The following SEC62 variants were observed in gnomAD, a reference collection of about 807,000 sequenced individuals.
The protein encoded by SEC62 is translocation protein SEC62.
In SEC62, 10 loss-of-function variants were observed where a neutral mutation model predicts 47.5. The observed-to-expected ratio is 0.21, with a 90% CI of 0.13 to 0.36. The LOEUF (loss-of-function observed/expected upper bound fraction) is 0.36, where lower values mean the gene tolerates loss of function less well. SEC62 is among the 10% of genes least tolerant of loss of function. The pLI, the probability that SEC62 is intolerant of heterozygous loss-of-function variation, is 1.00. For missense variants in SEC62, 327 were observed against 464.1 expected (o/e 0.70, Z 2.71); for synonymous variants, 136 against 150.5 (o/e 0.90, Z 0.71).
Position 169,994,076 on chromosome 3 carries a change from G to A in SEC62, c.*1013G>A, listed in dbSNP as rs1041193909. Reference sequence around the variant, plus strand: ...GATTTATTTTAAATCTTTACATTCAGAAATGAGATACTGTATTATCAGACC... The same window carrying A: ...GATTTATTTTAAATCTTTACATTCAAAAATGAGATACTGTATTATCAGACC... On this transcript the variant is annotated 3_prime_UTR_variant, in exon 8 of 8. Coordinates refer to ENST00000337002, the MANE Select transcript of SEC62 (RefSeq NM_003262.4). The A allele has an allele frequency of 6.6e-5, 10 of 152,636 alleles. No homozygotes were observed. In the South Asian group the frequency reaches 2.1e-3, roughly 32 times the overall value. 9.5% of individuals were successfully genotyped at this position (152,636 alleles called of 1,614,324 possible).
intron 6 of SEC62, among the ~76,000 whole-genome samples, chr3:169,986,964 C>T (rs1715123992): frequency 6.6e-6 from 1 of 151,772 alleles, no homozygotes. Context: ...TGGGCACTTG[C>T]CTCGTTGTCC....
rs1018282934 is a variant in SEC62, at chr3:169,992,933, G to A, written c.1070G>A (p.Ser357Asn). ...RREDDRSQHS[S>N]GNGNDFEMIT... Reference sequence around the variant, plus strand: ...GAAGATGATCGATCCCAGCACAGTAGTGGAAATGGAAATGATTTTGAAATG... The same window carrying A: ...GAAGATGATCGATCCCAGCACAGTAATGGAAATGGAAATGATTTTGAAATG... Residue 357 changes from serine to asparagine, a missense_variant, in exon 8 of 8, where the codon AGT becomes AAT. Physicochemically the swap from Ser to Asn is conservative, Grantham distance 46. Around this residue, in one of 3 missense-constraint regions of SEC62, gnomAD observed 102 missense variants for 108.8 expected, o/e 0.94. Coordinates refer to ENST00000337002, the MANE Select transcript of SEC62 (RefSeq NM_003262.4). The surrounding 1 kb of genome is among the most constrained non-coding windows in gnomAD (Gnocchi z 4.0). 1 of 1,614,016 alleles carries A rather than the reference G, an allele frequency of 6.2e-7. No individual in the cohort carries two copies. The highest frequency in any genetic ancestry group is 8.5e-7 in the Non-Finnish European group (1 of 1,179,984).
At position 169,996,425 on chromosome 3, in the gene SEC62, CA is replaced by C. The variant is rs1397409857; in HGVS notation, c.*3363del. 6.6e-6 allele frequency: 1 copy of C among 152,632 alleles called. No individual in the cohort carries two copies. Among genetic ancestry groups the C allele is most frequent in the African/African-American group, 2.4e-5 (1 of 41,454 alleles). The allele number at this position is 152,632 out of a possible 1,614,324, so 9.5% of individuals were successfully genotyped here. ...TACCATGTACCAGAATTTTACTAGG[CA>C]CAACCATGAATAAAAATACAATTCT... On this transcript the variant is annotated 3_prime_UTR_variant, in exon 8 of 8. Coordinates refer to ENST00000337002, the MANE Select transcript of SEC62 (RefSeq NM_003262.4).
At chr3:169,991,946 TATAGTC>T (rs1715257092) in intron 7 of SEC62, among the ~76,000 whole-genome samples, 1 of 152,150 alleles carries the variant, frequency 6.6e-6, no homozygotes, top group Non-Finnish European at 1.5e-5. Context: ...GTACAGAAAA[TATAGTC>T]ATAAATGTAT....
intron 3 of SEC62, among the ~76,000 whole-genome samples, chr3:169,980,247 CAT>C (rs1278607123): frequency 2.6e-5 from 4 of 151,708 alleles, no homozygotes; most frequent in Non-Finnish European, 2.9e-5. Context: ...AATTTTGAAA[CAT>C]AAATAGGTGA....
At chr3:169,987,484 G>T (rs904820645) in intron 6 of SEC62, among the ~76,000 whole-genome samples, 1 of 152,066 alleles carries the variant, frequency 6.6e-6, no homozygotes, top group African/African-American at 2.4e-5. Flanking sequence ...GATATTTTGC[G>T]TACAATATAT....
rs1382747253 is a variant in SEC62, at chr3:169,969,888, AC to A, written c.36+3031del. Among the ~76,000 whole-genome samples the A allele has an allele frequency of 2.0e-5, 3 of 152,298 alleles. No homozygotes were observed. In the South Asian group the frequency reaches 6.2e-4, roughly 32 times the overall value. ...GACATTTAAATGGCTAATTCTTAGA[AC>A]TTTTATAACCCTCCATTAGTTATTT... On this transcript the variant is annotated intron_variant, in intron 1 of 7. Coordinates refer to ENST00000337002, the MANE Select transcript of SEC62 (RefSeq NM_003262.4).
rs781454297 is a variant in SEC62, at chr3:169,982,744, G to A, written c.289G>A (p.Val97Ile). ...GCAGTTTTTTCACCGAGCCCTAAAA[G>A]TAATGAAAATGAAATATGATAAAGA... Reference protein sequence around the residue: ...KKQFFHRALKVMKMKYDKDIK... With the variant: ...KKQFFHRALKIMKMKYDKDIK... Residue 97 changes from valine (V) to isoleucine (I), a missense_variant, in exon 4 of 8, where the codon GTA becomes ATA. Transcript: ENST00000337002. 1.2e-6 allele frequency: 2 copies of A among 1,607,184 alleles called. No homozygotes were observed. Among genetic ancestry groups the A allele is most frequent in the Non-Finnish European group, 1.7e-6 (2 of 1,176,260 alleles).
intron 7 of SEC62, among the ~76,000 whole-genome samples, chr3:169,990,731 A>G (rs1715230878): frequency 6.6e-6 from 1 of 152,180 alleles, no homozygotes; most frequent in African/African-American, 2.4e-5. Context: ...TTTTAAGCAT[A>G]TTTACCTTTT....
At chr3:169,975,529 A>G in intron 1 of SEC62, 79 bp from the exon 2 acceptor site, 1 of 954,244 alleles carries the variant, frequency 1.0e-6, no homozygotes, top group Admixed American at 2.0e-5. Context: ...AGATTCATAA[A>G]ATAGATTTGT....
At chr3:169,969,383 A>T (rs1714636777) in intron 1 of SEC62, 1 of 456,504 alleles carries the variant, frequency 2.2e-6, no homozygotes, top group South Asian at 1.5e-5. Context: ...GAAAACCAGA[A>T]GTGAGCTACA....
In SEC62 at chr3:169,966,881, A is replaced by AG; in HGVS notation, c.36+28dup. The AG allele has an allele frequency of 3.0e-6, 4 of 1,331,456 alleles. No individual in the cohort carries two copies. The Middle Eastern group carries it at 6.2e-4, about 206-fold the overall frequency. 82.5% of individuals were successfully genotyped at this position (1,331,456 alleles called of 1,614,324 possible). A position where few individuals can be genotyped will look rare whatever the true frequency, so the allele number is the denominator to read the frequency against. On this transcript the variant is annotated intron_variant, in intron 1 of 7. Coordinates refer to ENST00000337002, the MANE Select transcript of SEC62 (RefSeq NM_003262.4). ...CAGGTAGCAAAGCCGAGCTCTGGGC[A>AG]GGGGGCTTCGGCGCGCTGGATAGTG... is the stretch of plus-strand genomic sequence containing the variant.
chr3:169,985,604 G>A, intron 5 of SEC62: 5 of 451,162 alleles, frequency 1.1e-5, no homozygotes, highest in Non-Finnish European at 1.9e-5. Flanking sequence ...AGAATTTATA[G>A]TTATCCTATA....
At chr3:169,986,401 G>T (rs1044938066) in intron 6 of SEC62, among the ~76,000 whole-genome samples, 3 of 152,040 alleles carry the variant, frequency 2.0e-5, no homozygotes, top group Non-Finnish European at 4.4e-5. Context: ...GACTATACTT[G>T]AGTATAATCT....
At position 169,990,017 on chromosome 3, in the gene SEC62, T is replaced by G. The variant is rs549076899; in HGVS notation, c.730+1658T>G. Among the ~76,000 whole-genome samples the G allele has an allele frequency of 1.8e-4, 26 of 143,552 alleles. No homozygotes were observed. In the South Asian group the frequency reaches 5.7e-3, roughly 32 times the overall value. 94.2% of individuals were successfully genotyped at this position (143,552 alleles called of 152,430 possible). ...AGATATATGATATATCATAATATTATATATCATATATATCATATAATATAT... is the reference window on the plus strand; with the variant it reads ...AGATATATGATATATCATAATATTAGATATCATATATATCATATAATATAT... On this transcript the variant is annotated intron_variant, in intron 7 of 7. Transcript: ENST00000337002.
intron 2 of SEC62, among the ~76,000 whole-genome samples, chr3:169,976,362 T>A (rs1714837404): frequency 1.3e-5 from 2 of 150,218 alleles, no homozygotes; most frequent in Non-Finnish European, 3.0e-5. Context: ...AGCAAGAACC[T>A]GTCTCTTAGA....
intron 7 of SEC62, 74 bp downstream of exon 7, chr3:169,988,433 G>A (rs1028125842): frequency 6.6e-6 from 10 of 1,514,926 alleles, no homozygotes; most frequent in Non-Finnish European, 9.1e-6. Context: ...TGGAGCTTCA[G>A]TAAAGCTTAA....
At chr3:169,990,869 G>A (rs2108288825) in intron 7 of SEC62, among the ~76,000 whole-genome samples, 1 of 152,132 alleles carries the variant, frequency 6.6e-6, no homozygotes, top group Admixed American at 6.5e-5. Context: ...TTTATACAAA[G>A]CAAAATAATG....
rs1348362605 is a variant in SEC62 at position 169,994,579 on chromosome 3, A to G, written c.*1516A>G. The stretch of plus-strand genomic sequence containing the variant: ...TTAATGCAACTATGTCAAGGCTGCA[A>G]TCACTTTAATAGTTTCTTTTTAGCA... On this transcript the variant is annotated 3_prime_UTR_variant, in exon 8 of 8. Coordinates refer to ENST00000337002, the MANE Select transcript of SEC62 (RefSeq NM_003262.4). 6.6e-6 allele frequency: 1 copy of G among 152,358 alleles called. No individual in the cohort carries two copies. Among genetic ancestry groups the G allele is most frequent in the Non-Finnish European group, 1.5e-5 (1 of 68,004 alleles). The allele number at this position is 152,358 out of a possible 1,614,324, so 9.4% of individuals were successfully genotyped here.
Sources: gnomAD v4.1 joint callset for allele counts (sites outside exome capture counted in the v4.1 genomes callset) on GRCh38, gnomAD v4.1.1 for gene constraint, gnomAD v4.1.1 regional missense constraint, Gnocchi (gnomAD v3.1) non-coding constraint, MANE v1.5 for transcripts, NCBI Gene and HGNC (gene_info 2026-07-23, HGNC 2026-07-21) for gene names.